ABAT: variants seen among roughly 807,000 people sequenced by gnomAD.
ABAT encodes 4-aminobutyrate aminotransferase, mitochondrial.
ABAT carries 45 observed loss-of-function variants against 64.6 expected under a neutral mutation model. The ratio of observed to expected loss-of-function variants is 0.70; its 90% confidence interval spans 0.55 to 0.89. ABAT has a LOEUF of 0.89. Ranked by LOEUF, ABAT falls within the 40% of genes least tolerant of loss-of-function variation. The probability of loss-of-function intolerance (pLI) is 0.00; values close to 1 mark genes in which losing one functional copy is unlikely to be tolerated. For missense variants in ABAT, 633 were observed against 658.4 expected (o/e 0.96, Z 0.42); for synonymous variants, 297 against 250.5 (o/e 1.19, Z -1.75).
At chr16:8,721,815 G>GAC (rs1260919447) in intron 1 of ABAT, among the ~76,000 whole-genome samples, 2 of 152,210 alleles carry the variant, frequency 1.3e-5, no homozygotes, top group Admixed American at 1.3e-4. Flanking sequence ...CAATGCACCA[G>GAC]ACACACGAAG....
chr16:8,725,567 T>G (rs1567287452), intron 1 of ABAT, among the ~76,000 whole-genome samples: 1 of 152,264 alleles, frequency 6.6e-6, no homozygotes, highest in Non-Finnish European at 1.5e-5. Context: ...TTTTTATGAC[T>G]GAATAATATT....
intron 2 of ABAT, among the ~76,000 whole-genome samples, chr16:8,743,161 C>T (rs911865659): frequency 4.6e-5 from 7 of 151,218 alleles, no homozygotes; most frequent in South Asian, 2.1e-4. Context: ...TGTATTTTAA[C>T]GGTACTTTAT....
intron 2 of ABAT, among the ~76,000 whole-genome samples, chr16:8,741,897 C>G (rs114439273): frequency 1.7e-3 from 259 of 152,290 alleles, no homozygotes; most frequent in African/African-American, 5.8e-3. Context: ...ACAATACTAT[C>G]TATATGGTTG....
intron 4 of ABAT, 101 bp from the exon 5 acceptor site, chr16:8,750,321 T>G (rs1360773660): frequency 9.8e-7 from 1 of 1,025,076 alleles, no homozygotes; most frequent in Non-Finnish European, 1.5e-6. Context: ...TGTCCACAGA[T>G]AGTCACGATA....
chr16:8,750,380 G>C, intron 4 of ABAT, 42 bp from the exon 5 acceptor site: 1 of 1,505,222 alleles, frequency 6.6e-7, no homozygotes, highest in Middle Eastern at 1.7e-4. Context: ...CAAGAATCTA[G>C]GGAGTGGCAG....
intron 1 of ABAT, among the ~76,000 whole-genome samples, chr16:8,680,956 CTCTTTT>C (rs895510063): frequency 1.7e-4 from 25 of 150,512 alleles, no homozygotes; most frequent in Admixed American, 8.0e-4. Flanking sequence ...TTCTTCTTTT[CTCTTTT>C]TCTTTTTCTT....
chr16:8,701,513 C>G (rs1437341468), intron 1 of ABAT, among the ~76,000 whole-genome samples: 1 of 152,234 alleles, frequency 6.6e-6, no homozygotes, highest in Non-Finnish European at 1.5e-5. Flanking sequence ...TGGACCCCAC[C>G]TCTGCTCTTC....
intron 1 of ABAT, among the ~76,000 whole-genome samples, chr16:8,688,076 A>AT (rs5815493): frequency 0.41 from 62,094 of 150,982 alleles, 12,982 homozygotes; most frequent in East Asian, 0.63. Flanking sequence ...CTTATTTTTT[A>AT]TTTTTTTTGT....
At chr16:8,724,605 AT>A (rs2058479667) in intron 1 of ABAT, among the ~76,000 whole-genome samples, 1 of 151,940 alleles carries the variant, frequency 6.6e-6, no homozygotes, top group Non-Finnish European at 1.5e-5. Context: ...GTGTGGTGGC[AT>A]GTGCTTATAG....
intron 1 of ABAT, among the ~76,000 whole-genome samples, chr16:8,710,723 A>AAG (rs1555485675): frequency 1.5e-5 from 1 of 64,806 alleles, no homozygotes; most frequent in African/African-American, 3.7e-5. Flanking sequence ...AGAGAGAGAG[A>AAG]GAGAGAGGAA....
intron 1 of ABAT, among the ~76,000 whole-genome samples, chr16:8,688,380 T>C (rs2057505062): frequency 6.6e-6 from 1 of 152,160 alleles, no homozygotes; most frequent in South Asian, 2.1e-4. Flanking sequence ...AACCTAAGTC[T>C]CCAAACATGG....
In ABAT at chr16:8,686,555, G is replaced by A. The variant is rs529703292; in HGVS notation, c.-42+11844G>A. On this transcript the variant is annotated intron_variant, in intron 1 of 15. Coordinates refer to ENST00000268251, the MANE Select transcript of ABAT (RefSeq NM_020686.6). ...TTTGTGTGTAGTTGCTCACCTTGTC[G>A]CTCACAACAGCCCTATGAGGAAAGG... Among the ~76,000 whole-genome samples the A allele has an allele frequency of 4.6e-5, 7 of 152,252 alleles. No homozygotes were observed. The East Asian group carries it at 9.6e-4, about 21-fold the overall frequency.
At chr16:8,687,868 A>T (rs1020703524) in intron 1 of ABAT, among the ~76,000 whole-genome samples, 4 of 152,122 alleles carry the variant, frequency 2.6e-5, no homozygotes, top group Admixed American at 2.0e-4. Flanking sequence ...ATGGTTGTTA[A>T]ATTGGAAAAC....
At chr16:8,744,051 G>A (rs11860865) in intron 2 of ABAT, among the ~76,000 whole-genome samples, 4,298 of 152,154 alleles carry the variant, frequency 0.028, 191 homozygotes, top group African/African-American at 0.097. Context: ...GGATTCACCC[G>A]GGAAATCAAA....
chr16:8,750,332 T>C (rs1391557708), intron 4 of ABAT, 90 bp from the exon 5 acceptor site: 4 of 1,091,536 alleles, frequency 3.7e-6, no homozygotes, highest in South Asian at 1.2e-5. Flanking sequence ...AGTCACGATA[T>C]GGTGTACTTC....
chr16:8,733,755 A>AGGTT (rs1567292683), intron 1 of ABAT, among the ~76,000 whole-genome samples: 1 of 149,398 alleles, frequency 6.7e-6, no homozygotes, highest in African/African-American at 2.6e-5. Context: ...GGTTGCAGTG[A>AGGTT]GCCGAGATGG....
chr16:8,694,025 TTTTA>T (rs1465041838), intron 1 of ABAT, among the ~76,000 whole-genome samples: 3 of 151,790 alleles, frequency 2.0e-5, no homozygotes, highest in Non-Finnish European at 4.4e-5. Flanking sequence ...TATTCTTTAT[TTTTA>T]TTTATTTGTT....
chr16:8,727,933 T>C (rs1423777025), intron 1 of ABAT, among the ~76,000 whole-genome samples: 1 of 152,138 alleles, frequency 6.6e-6, no homozygotes, highest in African/African-American at 2.4e-5. Flanking sequence ...TAGCCAGGCA[T>C]GATGGCACAT....
rs1200606839 is a variant in ABAT, at chr16:8,764,893, A to C, written c.540+63A>C. ...CTCCCCAGCACCCAGCCACACGCTC[A>C]CCCCTTGTCTGACTGTTCATTCCAA... On this transcript the variant is annotated intron_variant, in intron 8 of 15. Coordinates refer to ENST00000268251, the MANE Select transcript of ABAT (RefSeq NM_020686.6). This position sits in a 1 kb window ranked among gnomAD's most constrained non-coding sequence, Gnocchi z 4.2. 1 of 1,422,058 alleles carries C rather than the reference A, an allele frequency of 7.0e-7. No homozygotes were observed. The highest frequency in any genetic ancestry group is 1.4e-5 in the African/African-American group (1 of 70,818). The allele number at this position is 1,422,058 out of a possible 1,614,324, so 88.1% of individuals were successfully genotyped here. A position where few individuals can be genotyped will look rare whatever the true frequency, so the allele number is the denominator to read the frequency against.
Sources: allele counts gnomAD v4.1 joint callset (sites outside exome capture counted in the v4.1 genomes callset), GRCh38; gene constraint gnomAD v4.1.1; non-coding constraint Gnocchi (gnomAD v3.1); transcripts MANE v1.5; gene names NCBI Gene and HGNC (gene_info 2026-07-23, HGNC 2026-07-21).